Variants in GLIS1 observed in about 807,000 individuals in gnomAD.
GLIS1 encodes GLIS family zinc finger 1.
A neutral mutation model predicts 63.8 loss-of-function variants in GLIS1; 24 were observed. The observed-to-expected ratio is 0.38, with a 90% CI of 0.27 to 0.53. GLIS1 has a LOEUF of 0.53. GLIS1 is among the 20% of genes least tolerant of loss of function. The pLI is 0.85. For missense variants in GLIS1, 1,036 were observed against 1,074.1 expected (o/e 0.96, Z 0.50); for synonymous variants, 450 against 482.5 (o/e 0.93, Z 0.88).
At chr1:53,571,650 C>T (rs552869002) in intron 4 of GLIS1, among the ~76,000 whole-genome samples, 2 of 152,164 alleles carry the variant, frequency 1.3e-5, no homozygotes, top group South Asian at 2.1e-4. Flanking sequence ...GATCTGGGCT[C>T]GCTGCAAGCT....
intron 2 of GLIS1, among the ~76,000 whole-genome samples, chr1:53,715,929 G>C (rs943144660): frequency 1.3e-5 from 2 of 152,186 alleles, no homozygotes; most frequent in African/African-American, 4.8e-5. Context: ...AGGCATGGTG[G>C]CTTTGCTTTT....
intron 2 of GLIS1, among the ~76,000 whole-genome samples, chr1:53,635,572 G>T (rs1347758329): frequency 6.6e-6 from 1 of 150,572 alleles, no homozygotes; most frequent in African/African-American, 2.4e-5. Context: ...AAATGAAGTA[G>T]CAAGAGAAAC....
intron 4 of GLIS1, among the ~76,000 whole-genome samples, chr1:53,544,902 C>T (rs1644682587): frequency 6.6e-6 from 1 of 152,142 alleles, no homozygotes; most frequent in Admixed American, 6.5e-5. Flanking sequence ...CCAAGCCTCA[C>T]ACAATGTCAG....
intron 2 of GLIS1, among the ~76,000 whole-genome samples, chr1:53,644,581 G>C (rs900332236): frequency 5.9e-5 from 9 of 152,206 alleles, no homozygotes; most frequent in African/African-American, 1.9e-4. Context: ...GTAGAGTAAG[G>C]GGATGGGGGT....
chr1:53,579,571 C>A (rs1645065474), intron 4 of GLIS1, among the ~76,000 whole-genome samples: 1 of 152,226 alleles, frequency 6.6e-6, no homozygotes, highest in Admixed American at 6.5e-5. Flanking sequence ...GAGCTGCCAA[C>A]CTCCCGACAG....
chr1:53,509,882 T>C lies in GLIS1; in HGVS notation c.2029A>G (p.Ser677Gly). 3 of 1,307,328 alleles carry C rather than the reference T, an allele frequency of 2.3e-6. No individual in the cohort carries two copies. The highest frequency in any genetic ancestry group is 2.9e-6 in the Non-Finnish European group (3 of 1,019,498). The allele number at this position is 1,307,328 out of a possible 1,614,324, so 81.0% of individuals were successfully genotyped here. The change falls in exon 9 of 11, where the codon AGC becomes GGC. Residue 677 changes from serine to glycine, a missense_variant. Around this residue, in one of 3 missense-constraint regions of GLIS1, gnomAD observed 400 missense variants for 400.9 expected, o/e 1.00. Coordinates refer to ENST00000628545, the MANE Select transcript of GLIS1 (RefSeq NM_001367484.1). ...CTGGGCAGAGGCGGGGGTGGAGGGC[T>C]CTGGAAGGGTGGGTAGGACGGCTTG... The part of the protein sequence containing the change: ...PSKPSYPPFQ[S>G]PPPPPLPSPQ...
rs1217441501 is a variant in GLIS1 at position 53,736,947 on chromosome 1, T to C, written c.259+859A>G. On this transcript the variant is annotated intron_variant, in intron 2 of 10. Transcript: ENST00000628545. ...AACCAAGAGGTTCCAAATGCAGATA[T>C]AGTCAAACCCCAAAGCCTTGGTTTC... 4.1e-5 allele frequency among the ~76,000 whole-genome samples: 6 copies of C among 147,912 alleles called. No individual in the cohort carries two copies. The Admixed American group carries it at 4.1e-4, about 10-fold the overall frequency.
rs1456009087 is a variant in GLIS1 at position 53,667,360 on chromosome 1, T to C, written c.260-67082A>G. On this transcript the variant is annotated intron_variant, in intron 2 of 10. Transcript: ENST00000628545. ...TGCGTGGCACACACTGGTTTCACAG[T>C]TCTTGAGGGAGACCTCATTATTCCC... 2.0e-5 allele frequency among the ~76,000 whole-genome samples: 3 copies of C among 152,196 alleles called. No individual in the cohort carries two copies. The East Asian group carries it at 5.8e-4, about 29-fold the overall frequency.
At chr1:53,697,151 G>T (rs1422865585) in intron 2 of GLIS1, among the ~76,000 whole-genome samples, 1 of 152,168 alleles carries the variant, frequency 6.6e-6, no homozygotes, top group Non-Finnish European at 1.5e-5. Context: ...TCTGGATAGT[G>T]GGAAGACGGT....
At chr1:53,607,636 T>G (rs898927288) in intron 2 of GLIS1, among the ~76,000 whole-genome samples, 19 of 152,198 alleles carry the variant, frequency 1.2e-4, no homozygotes, top group African/African-American at 4.6e-4. Flanking sequence ...GCCAGCTCTA[T>G]TAGACTTGGA....
At position 53,559,237 on chromosome 1, in the gene GLIS1, G is replaced by C. The variant is rs552170036; in HGVS notation, c.1321-29285C>G. ...GGGGACAGGGACCAAGTGTTTCTTG[G>C]CTGCACTCATCCTTCCTCAGACCCT... On this transcript the variant is annotated intron_variant, in intron 4 of 10. Coordinates refer to ENST00000628545, the MANE Select transcript of GLIS1 (RefSeq NM_001367484.1). Among the ~76,000 whole-genome samples the C allele has an allele frequency of 7.9e-4, 120 of 152,294 alleles. 1 individual carries two copies. The highest frequency in any genetic ancestry group is 7.3e-5 in the Non-Finnish European group (5 of 68,030).
At chr1:53,655,617 T>C (rs1286127453) in intron 2 of GLIS1, among the ~76,000 whole-genome samples, 1 of 152,180 alleles carries the variant, frequency 6.6e-6, no homozygotes, top group African/African-American at 2.4e-5. Context: ...CGCATTCTAA[T>C]ATTTCTTCCC....
rs192412824 is a variant in GLIS1, at chr1:53,514,374, A to G, written c.1883+251T>C. Among the ~76,000 whole-genome samples, 438 of 152,266 alleles carry G rather than the reference A, an allele frequency of 2.9e-3. 2 individuals carry two copies. The highest frequency in any genetic ancestry group is 9.8e-3 in the African/African-American group (409 of 41,548). The stretch of plus-strand genomic sequence containing the variant: ...CCACAGCATTTTCCCAGGGTCCTCC[A>G]GTGGGGAGAAGAAGCTGCATGAAGT... On this transcript the variant is annotated intron_variant, in intron 8 of 10. Transcript: ENST00000628545.
chr1:53,616,125 G>A (rs1049938407), intron 2 of GLIS1, among the ~76,000 whole-genome samples: 1 of 152,162 alleles, frequency 6.6e-6, no homozygotes, highest in African/African-American at 2.4e-5. Flanking sequence ...AATCTGTCAT[G>A]AGGAGATTCT....
chr1:53,633,780 G>C (rs1282588310), intron 2 of GLIS1, among the ~76,000 whole-genome samples: 1 of 152,056 alleles, frequency 6.6e-6, no homozygotes, highest in Non-Finnish European at 1.5e-5. Flanking sequence ...ACACACCCAG[G>C]TGTGAGAATC....
rs989654344 is a variant in GLIS1 at position 53,639,820 on chromosome 1, A to T, written c.260-39542T>A. On this transcript the variant is annotated intron_variant, in intron 2 of 10. Transcript: ENST00000628545. The surrounding 1 kb of genome is among the most constrained non-coding windows in gnomAD (Gnocchi z 4.6). ...GACTATACTCCTCACAGCTGCCCCG[A>T]GGTTCTGCTTTGCCACTGAGGAAAG... 1.3e-5 allele frequency among the ~76,000 whole-genome samples: 2 copies of T among 152,058 alleles called. No individual in the cohort carries two copies. The highest frequency in any genetic ancestry group is 2.9e-5 in the Non-Finnish European group (2 of 68,004).
intron 2 of GLIS1, among the ~76,000 whole-genome samples, chr1:53,708,692 C>T (rs1646606960): frequency 2.0e-5 from 3 of 152,104 alleles, no homozygotes; most frequent in Non-Finnish European, 4.4e-5. Context: ...CAGCTTACTT[C>T]CAGGCCCATC....
At chr1:53,663,069 G>A (rs1424112818) in intron 2 of GLIS1, among the ~76,000 whole-genome samples, 2 of 151,998 alleles carry the variant, frequency 1.3e-5, no homozygotes, top group Non-Finnish European at 2.9e-5. Context: ...CTCTCCCACT[G>A]AGCTCCATGG....
chr1:53,596,942 TGAA>T (rs1212567804), intron 3 of GLIS1, among the ~76,000 whole-genome samples: 2 of 151,860 alleles, frequency 1.3e-5, no homozygotes, highest in Non-Finnish European at 2.9e-5. Flanking sequence ...TGGGTGATGC[TGAA>T]GAAGTGGGAA....
Sources: allele counts gnomAD v4.1 joint callset (sites outside exome capture counted in the v4.1 genomes callset), GRCh38; gene constraint gnomAD v4.1.1; regional missense constraint gnomAD v4.1.1; non-coding constraint Gnocchi (gnomAD v3.1); transcripts MANE v1.5; gene names NCBI Gene and HGNC (gene_info 2026-07-23, HGNC 2026-07-21).